Variants in TSHZ2 observed in about 807,000 individuals in gnomAD.
TSHZ2 encodes teashirt homolog 2.
TSHZ2 carries 21 observed loss-of-function variants against 74.4 expected under a neutral mutation model. That is an observed-to-expected ratio of 0.28 (90% confidence interval 0.20 to 0.41). The LOEUF is 0.41. Among genes scored for constraint, TSHZ2 ranks in the 10% least tolerant of loss-of-function variants. The pLI is 1.00. For missense variants in TSHZ2, 1,244 were observed against 1,293.5 expected (o/e 0.96, Z 0.59); for synonymous variants, 540 against 515.3 (o/e 1.05, Z -0.65).
rs74177489 is a variant in TSHZ2 at position 53,340,177 on chromosome 20, C to CTTTTTTTT, written c.*8+83612_*8+83613insTTTTTTTT. 8.4e-3 allele frequency among the ~76,000 whole-genome samples: 794 copies of CTTTTTTTT among 94,004 alleles called. 83 individuals carry two copies. The highest frequency in any genetic ancestry group is 0.02 in the African/African-American group (453 of 22,274). 61.7% of individuals were successfully genotyped at this position (94,004 alleles called of 152,430 possible). A position where few individuals can be genotyped will look rare whatever the true frequency, so the allele number is the denominator to read the frequency against. On this transcript the variant is annotated intron_variant, in intron 2 of 2. Coordinates refer to ENST00000371497, the MANE Select transcript of TSHZ2 (RefSeq NM_173485.6). The stretch of plus-strand genomic sequence containing the variant: ...GGATAAAACAAGGTGACTTTTCTTT[C>CTTTTTTTT]TTTTTTCTTTTTTTTTTTTTTTTGA...
intron 1 of TSHZ2, among the ~76,000 whole-genome samples, chr20:53,191,605 G>A (rs1387726737): frequency 6.6e-6 from 1 of 152,250 alleles, no homozygotes; most frequent in Non-Finnish European, 1.5e-5. Flanking sequence ...GGAGGCTGCA[G>A]TGAGCTGGGA....
intron 1 of TSHZ2, among the ~76,000 whole-genome samples, chr20:53,114,206 T>A (rs1043600586): frequency 6.6e-6 from 1 of 152,310 alleles, no homozygotes; most frequent in Admixed American, 6.5e-5. Flanking sequence ...TAATCTCTTA[T>A]AAATTTGCGT....
chr20:53,292,606 G>A (rs1991300428), intron 2 of TSHZ2, among the ~76,000 whole-genome samples: 1 of 151,850 alleles, frequency 6.6e-6, no homozygotes, highest in Non-Finnish European at 1.5e-5. Flanking sequence ...CACCACCATG[G>A]CCAGATTTTT....
At chr20:53,126,733 T>C (rs1018866590) in intron 1 of TSHZ2, among the ~76,000 whole-genome samples, 2 of 152,090 alleles carry the variant, frequency 1.3e-5, no homozygotes, top group Non-Finnish European at 1.5e-5. Context: ...TACAAAAAAG[T>C]AAAATATGAC....
chr20:53,272,497 A>C (rs1195197800), intron 2 of TSHZ2, among the ~76,000 whole-genome samples: 1 of 152,162 alleles, frequency 6.6e-6, no homozygotes, highest in Non-Finnish European at 1.5e-5. Flanking sequence ...GGGACATGCT[A>C]TCTAGGAAGT....
chr20:53,365,682 T>C (rs1201273254), intron 2 of TSHZ2, among the ~76,000 whole-genome samples: 1 of 152,242 alleles, frequency 6.6e-6, no homozygotes, highest in Non-Finnish European at 1.5e-5. Flanking sequence ...CAATGCTTAC[T>C]CTACCATGTG....
rs921423613 is a variant in TSHZ2, at chr20:53,469,903, A to G, written c.*9-17241A>G. Among the ~76,000 whole-genome samples, 12 of 50,104 alleles carry G rather than the reference A, an allele frequency of 2.4e-4. 2 individuals are homozygous for G. The highest frequency in any genetic ancestry group is 3.8e-4 in the Non-Finnish European group (9 of 23,466). 32.9% of individuals were successfully genotyped at this position (50,104 alleles called of 152,430 possible). A position where few individuals can be genotyped will look rare whatever the true frequency, so the allele number is the denominator to read the frequency against. On this transcript the variant is annotated intron_variant, in intron 2 of 2. Transcript: ENST00000371497. The stretch of plus-strand genomic sequence containing the variant: ...AAAAAAAGAGAGAGAGGAAAGGAGG[A>G]AGGAAGGAAGGAAGGAAGGCAGGCA...
chr20:53,444,473 AG>A (rs971364528), intron 2 of TSHZ2, among the ~76,000 whole-genome samples: 6 of 152,126 alleles, frequency 3.9e-5, no homozygotes, highest in Non-Finnish European at 8.8e-5. Context: ...CCGGTACTGC[AG>A]TGTGCTGGGA....
intron 1 of TSHZ2, among the ~76,000 whole-genome samples, chr20:53,030,019 G>A (rs1983580902): frequency 6.6e-6 from 1 of 152,040 alleles, no homozygotes; most frequent in Non-Finnish European, 1.5e-5. Flanking sequence ...TAACATCTGT[G>A]ACGCACCTAC....
chr20:53,463,435 G>GAAGGAAGGAAGGAAGAAAGA (rs11283137), intron 2 of TSHZ2, among the ~76,000 whole-genome samples: 1 of 114,254 alleles, frequency 8.8e-6, no homozygotes, highest in Non-Finnish European at 1.8e-5. Context: ...AGGAAGGAAG[G>GAAGGAAGGAAGGAAGAAAGA]AGGGAGGGAG....
intron 1 of TSHZ2, among the ~76,000 whole-genome samples, chr20:53,117,941 G>A (rs139096048): frequency 2.0e-5 from 3 of 152,344 alleles, no homozygotes; most frequent in African/African-American, 7.2e-5. Context: ...AGGATGAGAA[G>A]TGTGTATTTT....
intron 1 of TSHZ2, among the ~76,000 whole-genome samples, chr20:53,207,962 A>G (rs1989212624): frequency 6.6e-6 from 1 of 150,696 alleles, no homozygotes; most frequent in Non-Finnish European, 1.5e-5. Flanking sequence ...TGCCTCCCAA[A>G]GTGCTGGGAT....
chr20:53,275,320 A>G (rs1057298870), intron 2 of TSHZ2, among the ~76,000 whole-genome samples: 1 of 152,150 alleles, frequency 6.6e-6, no homozygotes, highest in Non-Finnish European at 1.5e-5. Flanking sequence ...GTTAATTTTT[A>G]AATTATATAT....
At chr20:53,474,564 TA>T (rs1985934278) in intron 2 of TSHZ2, among the ~76,000 whole-genome samples, 1 of 129,208 alleles carries the variant, frequency 7.7e-6, no homozygotes, top group Non-Finnish European at 1.6e-5. Context: ...TGCCAAAATG[TA>T]AAGACCATCC....
At chr20:53,375,045 C>T (rs1027923621) in intron 2 of TSHZ2, among the ~76,000 whole-genome samples, 3 of 151,892 alleles carry the variant, frequency 2.0e-5, no homozygotes, top group African/African-American at 7.3e-5. Flanking sequence ...TTGAGAATTA[C>T]ATATACACAT....
chr20:53,110,872 C>G lies in TSHZ2; in HGVS notation c.40+137539C>G, dbSNP rs199807664. Among the ~76,000 whole-genome samples the G allele has an allele frequency of 2.1e-4, 32 of 151,710 alleles. No homozygotes were observed. The East Asian group carries it at 5.5e-3, about 26-fold the overall frequency. The stretch of plus-strand genomic sequence containing the variant: ...CTGTTGATGGTTCTGGAAGATGCAG[C>G]TGAGTCCCATTTTGGGCATACTGAG... On this transcript the variant is annotated intron_variant, in intron 1 of 2. Transcript: ENST00000371497.
rs1326815608 is a variant in TSHZ2 at position 53,492,573 on chromosome 20, A to C, written c.*5438A>C. On this transcript the variant is annotated 3_prime_UTR_variant, in exon 3 of 3. Coordinates refer to ENST00000371497, the MANE Select transcript of TSHZ2 (RefSeq NM_173485.6). ...GATGATGTCCTTCTAATCCCTTCTG[A>C]CTTTGATTCCTAACAGCCAGGCACT... is the stretch of plus-strand genomic sequence containing the variant. The C allele has an allele frequency of 6.6e-6, 1 of 152,140 alleles. No homozygotes were observed. The highest frequency in any genetic ancestry group is 2.4e-5 in the African/African-American group (1 of 41,432). 9.4% of individuals were successfully genotyped at this position (152,140 alleles called of 1,614,324 possible).
chr20:53,260,080 T>TC (rs1304177452), intron 2 of TSHZ2, among the ~76,000 whole-genome samples: 1 of 152,060 alleles, frequency 6.6e-6, no homozygotes, highest in Non-Finnish European at 1.5e-5. Context: ...TTTCCTTCCT[T>TC]CTTTTCTTCC....
intron 2 of TSHZ2, among the ~76,000 whole-genome samples, chr20:53,300,571 A>T (rs766542488): frequency 2.0e-5 from 3 of 152,220 alleles, no homozygotes; most frequent in Non-Finnish European, 2.9e-5. Context: ...TCCAATAGAT[A>T]AAATACAACA....
Sources: allele counts gnomAD v4.1 joint callset (sites outside exome capture counted in the v4.1 genomes callset), GRCh38; gene constraint gnomAD v4.1.1; transcripts MANE v1.5; gene names NCBI Gene and HGNC (gene_info 2026-07-23, HGNC 2026-07-21).